Variants in SPAG16 observed in about 807,000 individuals in gnomAD.
SPAG16 encodes sperm-associated antigen 16 protein.
A neutral mutation model predicts 80.4 loss-of-function variants in SPAG16; 86 were observed. The observed-to-expected ratio is 1.07, with a 90% CI of 0.90 to 1.28. The LOEUF (loss-of-function observed/expected upper bound fraction) is 1.28. Ranked by LOEUF, SPAG16 falls within the 50% of genes most tolerant of loss-of-function variation. The pLI, the probability that SPAG16 is intolerant of heterozygous loss-of-function variation, is 0.00. For synonymous variants in SPAG16, 294 were observed against 265.9 expected (o/e 1.11, Z -1.03); for missense variants, 870 against 765.3 (o/e 1.14, Z -1.61).
At chr2:213,730,549 A>T (rs1257817544) in intron 10 of SPAG16, among the ~76,000 whole-genome samples, 3 of 152,168 alleles carry the variant, frequency 2.0e-5, no homozygotes, top group African/African-American at 7.2e-5. Flanking sequence ...CTGACTAGAA[A>T]TCTATGCTAA....
chr2:214,121,793 T>C (rs531538476), intron 14 of SPAG16, among the ~76,000 whole-genome samples: 1 of 152,026 alleles, frequency 6.6e-6, no homozygotes, highest in East Asian at 1.9e-4. Context: ...TGTATAAAAT[T>C]ATTTAAAATG....
intron 1 of SPAG16, among the ~76,000 whole-genome samples, chr2:213,292,713 A>G (rs1249317641): frequency 6.6e-6 from 1 of 151,564 alleles, no homozygotes; most frequent in Non-Finnish European, 1.5e-5. Flanking sequence ...TCAGAAAGAT[A>G]TAAATCTATA....
At chr2:213,946,383 G>A (rs1439134369) in intron 12 of SPAG16, among the ~76,000 whole-genome samples, 2 of 152,116 alleles carry the variant, frequency 1.3e-5, no homozygotes, top group Non-Finnish European at 2.9e-5. Context: ...AGAGTGCTGG[G>A]ATTACAGGCG....
At chr2:213,993,154 A>G (rs142273568) in intron 12 of SPAG16, among the ~76,000 whole-genome samples, 117 of 152,320 alleles carry the variant, frequency 7.7e-4, no homozygotes, top group African/African-American at 2.7e-3. Flanking sequence ...ACAGAGAATG[A>G]CACCCTGCAG....
Position 214,167,140 on chromosome 2 carries a change from C to T in SPAG16, c.1720+17874C>T, listed in dbSNP as rs575281932. 2.0e-5 allele frequency among the ~76,000 whole-genome samples: 3 copies of T among 152,292 alleles called. No homozygotes were observed. In the East Asian group the frequency reaches 5.8e-4, roughly 29 times the overall value. ...GTCTGGAAGGAAGAGATTTTCCACT[C>T]TACTGTCAGGGTTAAAACACTTACA... On this transcript the variant is annotated intron_variant, in intron 15 of 15. Coordinates refer to ENST00000331683, the MANE Select transcript of SPAG16 (RefSeq NM_024532.5).
intron 15 of SPAG16, among the ~76,000 whole-genome samples, chr2:214,256,227 A>G (rs1201952791): frequency 6.6e-5 from 10 of 151,794 alleles, no homozygotes; most frequent in Non-Finnish European, 1.3e-4. Context: ...TCATGCACGT[A>G]TTGGCCATTC....
intron 15 of SPAG16, among the ~76,000 whole-genome samples, chr2:214,211,539 T>C (rs2058293978): frequency 6.6e-6 from 1 of 152,152 alleles, no homozygotes; most frequent in Non-Finnish European, 1.5e-5. Context: ...GTCTTACATC[T>C]TTTGGAAAAG....
chr2:213,880,062 G>A (rs2076287560), intron 11 of SPAG16, among the ~76,000 whole-genome samples: 1 of 152,150 alleles, frequency 6.6e-6, no homozygotes, highest in South Asian at 2.1e-4. Context: ...TCTCCAAACT[G>A]ATTTCTACAG....
chr2:213,711,764 C>T (rs1458044291), intron 10 of SPAG16, among the ~76,000 whole-genome samples: 2 of 152,032 alleles, frequency 1.3e-5, no homozygotes, highest in African/African-American at 4.8e-5. Flanking sequence ...AGGTGATCTG[C>T]CTGCCTTGGC....
rs201240318 is a variant in SPAG16 at position 213,366,529 on chromosome 2, AAG to A, written c.832+2391_832+2392del. 9.7e-3 allele frequency among the ~76,000 whole-genome samples: 1,484 copies of A among 152,318 alleles called. 26 individuals carry two copies. The highest frequency in any genetic ancestry group is 0.034 in the African/African-American group (1,397 of 41,574). ...AGGCACCTCTTAGATGGCAGCAGGC[AAG>A]AGAGAGTTTGCAGAGGAACTGCCCT... On this transcript the variant is annotated intron_variant, in intron 8 of 15. Transcript: ENST00000331683.
At chr2:213,303,888 A>G (rs536412455) in intron 3 of SPAG16, among the ~76,000 whole-genome samples, 1 of 152,276 alleles carries the variant, frequency 6.6e-6, no homozygotes, top group South Asian at 2.1e-4. Flanking sequence ...TCTTTTGAGT[A>G]TATTCCTGGT....
chr2:214,356,778 A>G (rs1698833309), intron 15 of SPAG16, among the ~76,000 whole-genome samples: 1 of 151,926 alleles, frequency 6.6e-6, no homozygotes, highest in African/African-American at 2.4e-5. Context: ...TTTTAGTTCT[A>G]TCTTATTTTT....
chr2:213,998,979 C>A (rs2046659946), intron 12 of SPAG16, among the ~76,000 whole-genome samples: 1 of 152,040 alleles, frequency 6.6e-6, no homozygotes, highest in Non-Finnish European at 1.5e-5. Flanking sequence ...TAAAGGCATT[C>A]AGTTTTATAA....
At chr2:213,705,776 T>C (rs543191416) in intron 10 of SPAG16, among the ~76,000 whole-genome samples, 8 of 85,496 alleles carry the variant, frequency 9.4e-5, no homozygotes, top group African/African-American at 3.7e-4. Flanking sequence ...GAGCCAATCA[T>C]GGTGGAGGGT....
intron 15 of SPAG16, among the ~76,000 whole-genome samples, chr2:214,185,791 G>T (rs2057448825): frequency 6.6e-6 from 1 of 152,074 alleles, no homozygotes; most frequent in Non-Finnish European, 1.5e-5. Context: ...AGACCAGAGA[G>T]CAGAGGGACC....
intron 14 of SPAG16, among the ~76,000 whole-genome samples, chr2:214,110,855 G>A (rs1212618034): frequency 6.6e-6 from 1 of 152,130 alleles, no homozygotes; most frequent in Non-Finnish European, 1.5e-5. Flanking sequence ...TCTCATTGTG[G>A]TTTTGATTTG....
intron 13 of SPAG16, among the ~76,000 whole-genome samples, chr2:214,036,313 G>A (rs1373411923): frequency 1.3e-5 from 2 of 152,094 alleles, no homozygotes; most frequent in Non-Finnish European, 2.9e-5. Context: ...ATGTTGCAGG[G>A]TCCTCTTGTA....
intron 10 of SPAG16, among the ~76,000 whole-genome samples, chr2:213,728,296 A>G (rs942720693): frequency 1.3e-5 from 2 of 152,158 alleles, no homozygotes. Context: ...GCTTCCTTAG[A>G]GTCTCAGCCC....
chr2:213,476,554 T>C (rs1247263950), intron 9 of SPAG16, among the ~76,000 whole-genome samples: 1 of 152,200 alleles, frequency 6.6e-6, no homozygotes, highest in Non-Finnish European at 1.5e-5. Context: ...TTGTAAAAAA[T>C]CTGAGGACAA....
Sources: gnomAD v4.1 joint callset for allele counts (sites outside exome capture counted in the v4.1 genomes callset) on GRCh38, gnomAD v4.1.1 for gene constraint, MANE v1.5 for transcripts, NCBI Gene and HGNC (gene_info 2026-07-23, HGNC 2026-07-21) for gene names.